RANBP2: variants seen among roughly 807,000 people sequenced by gnomAD.
RANBP2 encodes RAN binding protein 2, also known as E3 SUMO-protein ligase RanBP2.
Under a neutral mutation model 303.6 loss-of-function variants are expected in RANBP2, and 57 were observed. The ratio of observed to expected loss-of-function variants is 0.19; its 90% confidence interval spans 0.15 to 0.23. The LOEUF (loss-of-function observed/expected upper bound fraction) is 0.23. Among genes scored for constraint, RANBP2 ranks in the 10% least tolerant of loss-of-function variants. RANBP2 has a pLI of 1.00. For synonymous variants in RANBP2, 1,167 were observed against 1,301.5 expected (o/e 0.90, Z 2.23); for missense variants, 3,138 against 3,780.8 (o/e 0.83, Z 4.46).
At chr2:109,097,229 G>A in the RANBP2 span, among the ~76,000 whole-genome samples, 114,923 of 151,706 alleles carry the variant, frequency 0.76, 43,720 homozygotes, top group East Asian at 0.89. Flanking sequence ...GCTTGAACCC[G>A]GGAGGTGGAG....
the RANBP2 span, among the ~76,000 whole-genome samples, chr2:109,684,948 A>G: frequency 6.6e-6 from 1 of 152,040 alleles, no homozygotes; most frequent in Non-Finnish European, 1.5e-5. Flanking sequence ...ATCTCAGCTC[A>G]CTGCAGTCTG....
At chr2:109,318,304 C>T in the RANBP2 span, among the ~76,000 whole-genome samples, 1 of 152,052 alleles carries the variant, frequency 6.6e-6, no homozygotes, top group Admixed American at 6.5e-5. Context: ...CTCCTCCTAG[C>T]GTGACTGGCT....
chr2:109,208,482 G>A, the RANBP2 span, among the ~76,000 whole-genome samples: 2 of 152,184 alleles, frequency 1.3e-5, no homozygotes, highest in Non-Finnish European at 2.9e-5. Context: ...GAAGGGCAAA[G>A]GCTCCCAGTA....
the RANBP2 span, among the ~76,000 whole-genome samples, chr2:109,466,553 T>A: frequency 1.3e-5 from 2 of 152,224 alleles, no homozygotes; most frequent in Non-Finnish European, 2.9e-5. Context: ...CTTGACAGTA[T>A]CTGTTTCAGA....
chr2:109,442,191 G>C, the RANBP2 span, among the ~76,000 whole-genome samples: 71,288 of 151,612 alleles, frequency 0.47, 18,235 homozygotes, highest in Non-Finnish European at 0.55. Flanking sequence ...GGCGCCTGTA[G>C]TCCCAGCTGC....
At chr2:109,207,347 TTC>T in the RANBP2 span, among the ~76,000 whole-genome samples, 1 of 152,236 alleles carries the variant, frequency 6.6e-6, no homozygotes, top group East Asian at 1.9e-4. Flanking sequence ...GTCTTCTGTG[TTC>T]TCTTTGTCTC....
the RANBP2 span, among the ~76,000 whole-genome samples, chr2:109,143,339 T>A: frequency 2.8e-3 from 420 of 152,280 alleles, 12 homozygotes; most frequent in East Asian, 0.07. Flanking sequence ...TAAGTTGAAG[T>A]GAAATCAGAA....
the RANBP2 span, among the ~76,000 whole-genome samples, chr2:109,710,995 A>G: frequency 2.0e-5 from 3 of 151,830 alleles, no homozygotes; most frequent in African/African-American, 7.3e-5. Flanking sequence ...CCTCCTCCCT[A>G]TGCCCTCTCT....
the RANBP2 span, among the ~76,000 whole-genome samples, chr2:108,921,810 G>C: frequency 6.6e-6 from 1 of 152,232 alleles, no homozygotes; most frequent in African/African-American, 2.4e-5. Flanking sequence ...CCATTTCCCA[G>C]ATGGGCAAGC....
At chr2:109,074,442 G>A in the RANBP2 span, among the ~76,000 whole-genome samples, 2 of 150,870 alleles carry the variant, frequency 1.3e-5, no homozygotes, top group African/African-American at 4.8e-5. Context: ...GCTTATGCCT[G>A]TAATCCCAGC....
chr2:109,301,643 C>T, the RANBP2 span, among the ~76,000 whole-genome samples: 2 of 152,132 alleles, frequency 1.3e-5, no homozygotes, highest in Non-Finnish European at 2.9e-5. Flanking sequence ...CAGGCCATGC[C>T]GAGACCACTA....
the RANBP2 span, among the ~76,000 whole-genome samples, chr2:109,010,666 T>G: frequency 1.3e-5 from 2 of 152,186 alleles, no homozygotes; most frequent in African/African-American, 2.4e-5. Flanking sequence ...AGACCCCACC[T>G]CCTAATACCA....
chr2:109,735,012 C>T, the RANBP2 span, among the ~76,000 whole-genome samples: 5 of 152,094 alleles, frequency 3.3e-5, no homozygotes, highest in Admixed American at 3.3e-4. Flanking sequence ...GTGGTAGGAA[C>T]ATTAAAAATC....
the RANBP2 span, among the ~76,000 whole-genome samples, chr2:109,538,925 T>C: frequency 6.6e-6 from 1 of 152,278 alleles, no homozygotes; most frequent in Non-Finnish European, 1.5e-5. Flanking sequence ...AAGGTTTTAA[T>C]GTCTACCACA....
chr2:109,681,181 T>C, the RANBP2 span, among the ~76,000 whole-genome samples: 1 of 152,110 alleles, frequency 6.6e-6, no homozygotes, highest in Admixed American at 6.6e-5. Context: ...AAAGAATGCA[T>C]ACTGGGTGGT....
At chr2:109,077,577 A>G in the RANBP2 span, among the ~76,000 whole-genome samples, 1 of 150,616 alleles carries the variant, frequency 6.6e-6, no homozygotes, top group African/African-American at 2.4e-5. Flanking sequence ...GTGTTAGTAT[A>G]CAAAATATAT....
At chr2:109,461,704 C>T in the RANBP2 span, among the ~76,000 whole-genome samples, 53 of 152,068 alleles carry the variant, frequency 3.5e-4, no homozygotes, top group African/African-American at 1.2e-3. Context: ...AGAGGCCCCA[C>T]GTAGCATCCC....
At chr2:109,601,021 G>A in the RANBP2 span, among the ~76,000 whole-genome samples, 2 of 152,174 alleles carry the variant, frequency 1.3e-5, no homozygotes, top group Admixed American at 6.6e-5. Flanking sequence ...CCCAACACAT[G>A]GATGTGTGTA....
the RANBP2 span, among the ~76,000 whole-genome samples, chr2:109,459,845 G>T: frequency 7.9e-5 from 12 of 152,172 alleles, no homozygotes; most frequent in Non-Finnish European, 2.9e-5. Context: ...GTTACTAGGG[G>T]TCATAATAAG....
Sources: allele counts gnomAD v4.1 joint callset (sites outside exome capture counted in the v4.1 genomes callset), GRCh38; gene constraint gnomAD v4.1.1; transcripts MANE v1.5; gene names NCBI Gene and HGNC (gene_info 2026-07-23, HGNC 2026-07-21).